Variants in PRKN observed in about 807,000 individuals in gnomAD.
PRKN encodes the protein parkin RBR E3 ubiquitin protein ligase.
A neutral mutation model predicts 59.5 loss-of-function variants in PRKN; 56 were observed. The observed-to-expected ratio is 0.94, with a 90% CI of 0.76 to 1.18. PRKN has a LOEUF of 1.18. Among genes scored for constraint, PRKN ranks in the 50% most tolerant of loss-of-function variants. The pLI is 0.00. For synonymous variants in PRKN, 250 were observed against 222.1 expected, an observed-to-expected ratio of 1.13 and a Z score of -1.12; for missense variants, 657 against 596.4, an observed-to-expected ratio of 1.10 and a Z score of -1.06.
At chr6:162,036,243 G>A (rs559185193) in intron 5 of PRKN, among the ~76,000 whole-genome samples, 1 of 151,854 alleles carries the variant, frequency 6.6e-6, no homozygotes, top group Non-Finnish European at 1.5e-5. Context: ...AGAATGGCGT[G>A]AACCCGGGAG....
intron 1 of PRKN, among the ~76,000 whole-genome samples, chr6:162,693,904 A>G (rs372516785): frequency 1.3e-5 from 2 of 152,180 alleles, no homozygotes; most frequent in Admixed American, 6.5e-5. Flanking sequence ...CTCTGTGCCT[A>G]TTGACCTTGT....
At chr6:161,627,187 C>T (rs552341727) in intron 7 of PRKN, among the ~76,000 whole-genome samples, 58 of 152,288 alleles carry the variant, frequency 3.8e-4, no homozygotes, top group African/African-American at 1.2e-3. Flanking sequence ...CAGAGGGCCC[C>T]GACTGCCTTA....
At chr6:161,531,412 G>A (rs1183803531) in intron 9 of PRKN, among the ~76,000 whole-genome samples, 1 of 151,464 alleles carries the variant, frequency 6.6e-6, no homozygotes, top group Non-Finnish European at 1.5e-5. Flanking sequence ...TTGTGCGAAC[G>A]CCACCCCCTA....
intron 5 of PRKN, among the ~76,000 whole-genome samples, chr6:162,001,775 C>T (rs142945034): frequency 2.6e-5 from 4 of 151,624 alleles, no homozygotes; most frequent in African/African-American, 9.7e-5. Flanking sequence ...AGTATGATGC[C>T]CACTGTAGGT....
rs371397767 is a variant in PRKN at position 161,537,564 on chromosome 6, G to A, written c.1083+11290C>T. Reference sequence around the variant, plus strand: ...CCTCCCAGGTTCACACCATTCTCCTGCCTCAGCCTCCGGAGTAGCTGGGAC... The same window carrying A: ...CCTCCCAGGTTCACACCATTCTCCTACCTCAGCCTCCGGAGTAGCTGGGAC... On this transcript the variant is annotated intron_variant, in intron 9 of 11. Coordinates refer to ENST00000366898, the MANE Select transcript of PRKN (RefSeq NM_004562.3). Among the ~76,000 whole-genome samples the A allele has an allele frequency of 9.9e-5, 15 of 151,518 alleles. No individual in the cohort carries two copies. In the East Asian group the frequency reaches 1.4e-3, roughly 14 times the overall value.
Position 161,882,429 on chromosome 6 carries a change from G to GC in PRKN, c.734+90872dup, listed in dbSNP as rs1583294724. Among the ~76,000 whole-genome samples the GC allele has an allele frequency of 2.0e-5, 3 of 152,254 alleles. No individual in the cohort carries two copies. The East Asian group carries it at 5.8e-4, about 30-fold the overall frequency. On this transcript the variant is annotated intron_variant, in intron 6 of 11. Coordinates refer to ENST00000366898, the MANE Select transcript of PRKN (RefSeq NM_004562.3). ...CGGCAGGCAGTGAGCCGCCTCCCCAGCCCAGGCGGCAGCTTCCCTCCGGGC... is the reference window on the plus strand; with the variant it reads ...CGGCAGGCAGTGAGCCGCCTCCCCAGCCCCAGGCGGCAGCTTCCCTCCGGGC...
chr6:162,496,548 T>C (rs1793071047), intron 1 of PRKN, among the ~76,000 whole-genome samples: 1 of 152,146 alleles, frequency 6.6e-6, no homozygotes, highest in African/African-American at 2.4e-5. Context: ...CCTCAGTAGA[T>C]AATAAATGTC....
chr6:161,711,972 C>G (rs1004730235), intron 7 of PRKN, among the ~76,000 whole-genome samples: 3 of 152,140 alleles, frequency 2.0e-5, no homozygotes, highest in African/African-American at 7.2e-5. Flanking sequence ...TCACCACTGG[C>G]TTTTTTGCTC....
intron 9 of PRKN, among the ~76,000 whole-genome samples, chr6:161,478,154 G>A (rs934212854): frequency 6.6e-6 from 1 of 152,136 alleles, no homozygotes; most frequent in Non-Finnish European, 1.5e-5. Context: ...ATGATTTATT[G>A]TTCATCTGAA....
intron 7 of PRKN, among the ~76,000 whole-genome samples, chr6:161,694,637 A>T (rs1313683449): frequency 6.6e-6 from 1 of 152,180 alleles, no homozygotes; most frequent in Non-Finnish European, 1.5e-5. Context: ...TAAGAACTGG[A>T]TGCACATCTA....
intron 1 of PRKN, among the ~76,000 whole-genome samples, chr6:162,608,339 C>A (rs1227505706): frequency 6.6e-6 from 1 of 151,960 alleles, no homozygotes; most frequent in Non-Finnish European, 1.5e-5. Flanking sequence ...GTGAATATAC[C>A]GACAAAGTCA....
Position 161,726,062 on chromosome 6 carries a change from C to A in PRKN, c.871+59710G>T, listed in dbSNP as rs1418041036. ...AGGGCACTGACTTCACTTCACAAAT[C>A]AAAAGGCATAAAGTTAGTCTGAGGC... is the stretch of plus-strand genomic sequence containing the variant. On this transcript the variant is annotated intron_variant, in intron 7 of 11. Coordinates refer to ENST00000366898, the MANE Select transcript of PRKN (RefSeq NM_004562.3). Among the ~76,000 whole-genome samples, 5 of 152,326 alleles carry A rather than the reference C, an allele frequency of 3.3e-5. No individual in the cohort carries two copies. The East Asian group carries it at 7.7e-4, about 23-fold the overall frequency.
chr6:161,431,342 G>A (rs564122726), intron 9 of PRKN, among the ~76,000 whole-genome samples: 3 of 151,472 alleles, frequency 2.0e-5, no homozygotes, highest in Non-Finnish European at 2.9e-5. Context: ...TAGGAACTAC[G>A]AAATTTTTAA....
At chr6:162,010,426 A>C (rs1176219340) in intron 5 of PRKN, among the ~76,000 whole-genome samples, 1 of 22,310 alleles carries the variant, frequency 4.5e-5, no homozygotes, top group East Asian at 2.0e-3. Context: ...ATATACATTT[A>C]TAATATGTAA....
intron 4 of PRKN, among the ~76,000 whole-genome samples, chr6:162,118,398 T>G (rs1403945668): frequency 2.6e-5 from 4 of 151,358 alleles, no homozygotes; most frequent in African/African-American, 9.7e-5. Context: ...AGAGCGAGAC[T>G]CCATCTCAAA....
chr6:162,416,101 C>T (rs762543344), intron 2 of PRKN, among the ~76,000 whole-genome samples: 3 of 152,116 alleles, frequency 2.0e-5, no homozygotes, highest in Non-Finnish European at 4.4e-5. Context: ...TTTAAAATAC[C>T]GGCCTGGCAC....
chr6:162,142,101 G>A (rs548606036), intron 4 of PRKN, among the ~76,000 whole-genome samples: 2 of 152,236 alleles, frequency 1.3e-5, no homozygotes, highest in South Asian at 2.1e-4. Flanking sequence ...ACTCAGATAC[G>A]AAACTGCAAT....
chr6:162,078,720 T>C (rs988389836), intron 4 of PRKN, among the ~76,000 whole-genome samples: 1 of 152,012 alleles, frequency 6.6e-6, no homozygotes, highest in Non-Finnish European at 1.5e-5. Context: ...CTATAAATAA[T>C]GTATTGGGAA....
intron 7 of PRKN, among the ~76,000 whole-genome samples, chr6:161,665,910 C>G (rs7771341): frequency 0.86 from 130,527 of 152,044 alleles, 56,783 homozygotes; most frequent in African/African-American, 0.95. Flanking sequence ...TTTCCAACAG[C>G]CTGGATGTCT....
Sources: allele counts gnomAD v4.1 joint callset (sites outside exome capture counted in the v4.1 genomes callset), GRCh38; gene constraint gnomAD v4.1.1; transcripts MANE v1.5; gene names NCBI Gene and HGNC (gene_info 2026-07-23, HGNC 2026-07-21).